The following CALB2 variants were observed in gnomAD, a reference collection of about 807,000 sequenced individuals.
CALB2 encodes calretinin.
CALB2 carries 34 observed loss-of-function variants against 45.9 expected under a neutral mutation model. The observed-to-expected ratio is 0.74, with a 90% CI of 0.56 to 0.99. CALB2 has a LOEUF of 0.99. Ranked by LOEUF, CALB2 falls within the 50% of genes least tolerant of loss-of-function variation. CALB2 has a pLI of 0.00. For missense variants in CALB2, 344 were observed against 339.3 expected (o/e 1.01, Z -0.11); for synonymous variants, 142 against 129.6 (o/e 1.10, Z -0.65).
rs1425024799 is a variant in CALB2 at position 71,376,338 on chromosome 16, G to A, written c.262-1329G>A. On this transcript the variant is annotated intron_variant, in intron 3 of 10. Coordinates refer to ENST00000302628, the MANE Select transcript of CALB2 (RefSeq NM_001740.5). ...TTCTAACAGAAAGGCCAGGGTTAGG[G>A]TTTGTTCCAGGTGGAAGCCAGGGCT... Among the ~76,000 whole-genome samples the A allele has an allele frequency of 3.9e-5, 6 of 152,340 alleles. No homozygotes were observed. The East Asian group carries it at 1.2e-3, about 29-fold the overall frequency.
At chr16:71,375,248 CAT>C (rs898644126) in intron 3 of CALB2, among the ~76,000 whole-genome samples, 3 of 152,202 alleles carry the variant, frequency 2.0e-5, no homozygotes, top group Non-Finnish European at 2.9e-5. Context: ...CAGTAATTTA[CAT>C]ATATATACAT....
chr16:71,373,529 G>C (rs2042376860), intron 2 of CALB2, among the ~76,000 whole-genome samples: 1 of 152,186 alleles, frequency 6.6e-6, no homozygotes, highest in African/African-American at 2.4e-5. Flanking sequence ...CCTTCTCTTA[G>C]TCATTCCCTT....
In CALB2 at chr16:71,377,703, C is replaced by G; in HGVS notation, c.298C>G (p.Leu100Val). Residue 100 changes from leucine to valine, a missense_variant, in exon 4 of 11, where the codon CTG becomes GTG. Transcript: ENST00000302628. The part of the protein sequence containing the change: ...QILPTEENFL[L>V]CFRQHVGSSA... Reference sequence around the variant, plus strand: ...CCTGCCAACCGAAGAGAACTTCCTTCTGTGCTTCAGGCAGCACGTGGGCTC... The same window carrying G: ...CCTGCCAACCGAAGAGAACTTCCTTGTGTGCTTCAGGCAGCACGTGGGCTC... 1 of 1,614,116 alleles carries G rather than the reference C, an allele frequency of 6.2e-7. No homozygotes were observed. The highest frequency in any genetic ancestry group is 1.1e-5 in the South Asian group (1 of 91,078).
intron 2 of CALB2, among the ~76,000 whole-genome samples, chr16:71,374,405 C>T (rs1410805397): frequency 1.3e-5 from 2 of 152,182 alleles, no homozygotes; most frequent in African/African-American, 4.8e-5. Context: ...ATGTTGAGGC[C>T]TTAATTCTCA....
intron 2 of CALB2, 34 bp downstream of exon 2, chr16:71,372,263 T>G (rs759599390): frequency 6.6e-7 from 1 of 1,506,256 alleles, no homozygotes; most frequent in Non-Finnish European, 9.2e-7. Flanking sequence ...TGTGTGGGAT[T>G]TTCCTGACCT....
At chr16:71,378,809 T>C (rs1016889195) in intron 4 of CALB2, among the ~76,000 whole-genome samples, 2 of 152,190 alleles carry the variant, frequency 1.3e-5, no homozygotes, top group African/African-American at 4.8e-5. Flanking sequence ...CAGGATCTCA[T>C]GCCACTCAAT....
At chr16:71,365,176 C>A (rs1158756921) in intron 1 of CALB2, among the ~76,000 whole-genome samples, 2 of 152,228 alleles carry the variant, frequency 1.3e-5, no homozygotes, top group African/African-American at 4.8e-5. Flanking sequence ...TTCGATAAAT[C>A]TGAACTCCAG....
chr16:71,382,301 C>T (rs2042507945), intron 4 of CALB2, among the ~76,000 whole-genome samples: 1 of 152,222 alleles, frequency 6.6e-6, no homozygotes, highest in South Asian at 2.1e-4. Flanking sequence ...CACCACTGCC[C>T]CTCCTGTGGC....
chr16:71,384,415 T>C, intron 8 of CALB2, 37 bp downstream of exon 8: 1 of 1,570,294 alleles, frequency 6.4e-7, no homozygotes, highest in Non-Finnish European at 8.7e-7. Context: ...CCTTCCCTCA[T>C]CCCTCTGAGC....
Position 71,384,928 on chromosome 16 carries a change from C to A in CALB2, c.627+92C>A. On this transcript the variant is annotated intron_variant, in intron 9 of 10. Transcript: ENST00000302628. ...TTCATCCCTGGGAAGAGACAGCTTT[C>A]CAGGGGTGGCCTGGGCCGTGTGGTT... The A allele has an allele frequency of 2.7e-6, 3 of 1,094,800 alleles. No individual in the cohort carries two copies. In the South Asian group the frequency reaches 3.8e-5, roughly 14 times the overall value. 67.8% of individuals were successfully genotyped at this position (1,094,800 alleles called of 1,614,324 possible). A position where few individuals can be genotyped will look rare whatever the true frequency, so the allele number is the denominator to read the frequency against.
chr16:71,369,943 TCCCTGTCCCTCACTC>T (rs2042328618), intron 1 of CALB2, among the ~76,000 whole-genome samples: 1 of 152,120 alleles, frequency 6.6e-6, no homozygotes, highest in South Asian at 2.1e-4. Context: ...AAAGCCCATC[TCCCTGTCCCTCACTC>T]CCCTACTTTA....
intron 10 of CALB2, among the ~76,000 whole-genome samples, chr16:71,389,348 C>G (rs1033967373): frequency 1.3e-5 from 2 of 152,090 alleles, no homozygotes; most frequent in Non-Finnish European, 2.9e-5. Context: ...CCAGTGAGGT[C>G]GAGGAAATAT....
At chr16:71,373,267 C>T (rs575674993) in intron 2 of CALB2, among the ~76,000 whole-genome samples, 1 of 152,114 alleles carries the variant, frequency 6.6e-6, no homozygotes, top group African/African-American at 2.4e-5. Context: ...CTTCAGGGAG[C>T]ATTTGGGAGA....
intron 1 of CALB2, among the ~76,000 whole-genome samples, chr16:71,364,222 C>G (rs550201632): frequency 6.6e-6 from 1 of 152,226 alleles, no homozygotes; most frequent in African/African-American, 2.4e-5. Flanking sequence ...GCTGGGGCTC[C>G]CCGGGGGAGC....
intron 1 of CALB2, among the ~76,000 whole-genome samples, chr16:71,363,544 C>A (rs1021755673): frequency 2.0e-5 from 3 of 152,220 alleles, no homozygotes; most frequent in African/African-American, 7.2e-5. Flanking sequence ...CAGGGCCAGA[C>A]TGCAGTGCCC....
chr16:71,373,733 A>C (rs1217052703), intron 2 of CALB2, among the ~76,000 whole-genome samples: 2 of 152,228 alleles, frequency 1.3e-5, no homozygotes, highest in Non-Finnish European at 2.9e-5. Flanking sequence ...TAGTGTGTCA[A>C]ATGGAAGGGC....
intron 1 of CALB2, among the ~76,000 whole-genome samples, chr16:71,370,595 C>G (rs1423117074): frequency 3.3e-5 from 5 of 152,110 alleles, no homozygotes; most frequent in South Asian, 4.2e-4. Context: ...GTGCCAGGTA[C>G]CTGTAATCCC....
chr16:71,379,571 C>G (rs1252773618), intron 4 of CALB2, among the ~76,000 whole-genome samples: 1 of 152,230 alleles, frequency 6.6e-6, no homozygotes, highest in Non-Finnish European at 1.5e-5. Context: ...AACCATTCAG[C>G]ATATGCATCC....
At chr16:71,360,335 C>T (rs192014580) in intron 1 of CALB2, among the ~76,000 whole-genome samples, 300 of 152,208 alleles carry the variant, frequency 2.0e-3, no homozygotes, top group Non-Finnish European at 3.6e-3. Context: ...CATTTGAATA[C>T]CTGAGTTAGG....
Sources: gnomAD v4.1 joint callset for allele counts (sites outside exome capture counted in the v4.1 genomes callset) on GRCh38, gnomAD v4.1.1 for gene constraint, MANE v1.5 for transcripts, NCBI Gene and HGNC (gene_info 2026-07-23, HGNC 2026-07-21) for gene names.